Variants in RUNX1 observed in about 807,000 individuals in gnomAD.
The protein encoded by RUNX1 is RUNX family transcription factor 1.
Under a neutral mutation model 42.8 loss-of-function variants are expected in RUNX1, and 19 were observed. The ratio of observed to expected loss-of-function variants is 0.44; its 90% CI spans 0.31 to 0.65. The LOEUF is 0.65. Ranked by LOEUF, RUNX1 falls within the 30% of genes least tolerant of loss-of-function variation. The pLI is 0.07. For synonymous variants in RUNX1, 271 were observed against 289.4 expected, an observed-to-expected ratio of 0.94 and a Z score of 0.64; for missense variants, 528 against 672.0, an observed-to-expected ratio of 0.79 and a Z score of 2.37.
intron 2 of RUNX1, among the ~76,000 whole-genome samples, chr21:35,040,393 T>C (rs1404277997): frequency 6.6e-6 from 1 of 152,132 alleles, no homozygotes; most frequent in Non-Finnish European, 1.5e-5. Flanking sequence ...GCTATACATA[T>C]TATAAAATTT....
At chr21:35,016,252 T>G in intron 2 of RUNX1, among the ~76,000 whole-genome samples, 1 of 152,222 alleles carries the variant, frequency 6.6e-6, no homozygotes, top group East Asian at 1.9e-4. Context: ...TCTGCTTCCC[T>G]TGCGCGTGGG....
intron 8 of RUNX1, among the ~76,000 whole-genome samples, chr21:34,793,785 C>A (rs953993764): frequency 4.6e-5 from 7 of 151,046 alleles, no homozygotes; most frequent in Admixed American, 1.3e-4. Flanking sequence ...CTCACTGCAC[C>A]CACCACCTCC....
At chr21:34,984,464 G>C (rs980482899) in intron 2 of RUNX1, among the ~76,000 whole-genome samples, 1 of 152,144 alleles carries the variant, frequency 6.6e-6, no homozygotes, top group African/African-American at 2.4e-5. Context: ...ACTTATCTGT[G>C]GGGGAGGCCA....
chr21:34,893,770 GTTT>G (rs67786578), intron 2 of RUNX1, among the ~76,000 whole-genome samples: 7,159 of 137,620 alleles, frequency 0.052, 200 homozygotes, highest in Middle Eastern at 0.1. Flanking sequence ...TTAGTATGCT[GTTT>G]TTTTTTTTTT....
chr21:34,881,231 A>G (rs139725244), intron 4 of RUNX1, among the ~76,000 whole-genome samples: 30 of 152,326 alleles, frequency 2.0e-4, no homozygotes, highest in African/African-American at 5.5e-4. Context: ...TCAGACCTCC[A>G]CTAACAGGCT....
intron 2 of RUNX1, among the ~76,000 whole-genome samples, chr21:34,985,102 A>T (rs930377652): frequency 4.6e-5 from 7 of 152,242 alleles, no homozygotes; most frequent in African/African-American, 1.7e-4. Flanking sequence ...GAAGACTTAG[A>T]ACAAGAGCAG....
At chr21:34,852,055 C>A (rs2057427608) in intron 6 of RUNX1, among the ~76,000 whole-genome samples, 1 of 152,156 alleles carries the variant, frequency 6.6e-6, no homozygotes, top group Non-Finnish European at 1.5e-5. Context: ...GTAGTCCCAG[C>A]TACTCGGGAG....
At chr21:34,970,865 C>G (rs1421797117) in intron 2 of RUNX1, among the ~76,000 whole-genome samples, 1 of 151,820 alleles carries the variant, frequency 6.6e-6, no homozygotes, top group Non-Finnish European at 1.5e-5. Flanking sequence ...CTTTCCTGTA[C>G]GTTCAAATTA....
At chr21:34,895,709 A>G in intron 2 of RUNX1, among the ~76,000 whole-genome samples, 1 of 152,014 alleles carries the variant, frequency 6.6e-6, no homozygotes, top group East Asian at 1.9e-4. Context: ...GTTTGAGACC[A>G]GGTTGGGGAG....
At chr21:34,997,955 C>G (rs1483839214) in intron 2 of RUNX1, among the ~76,000 whole-genome samples, 1 of 152,170 alleles carries the variant, frequency 6.6e-6, no homozygotes, top group Non-Finnish European at 1.5e-5. Context: ...CAGGACTGGG[C>G]TCTCACTTGG....
intron 6 of RUNX1, among the ~76,000 whole-genome samples, chr21:34,849,296 AAATATAT>A (rs1474713630): frequency 1.5e-4 from 6 of 39,928 alleles, no homozygotes; most frequent in African/African-American, 5.4e-4. Context: ...ATTATATATA[AAATATAT>A]AATATATATT....
chr21:34,993,546 G>T, intron 2 of RUNX1, among the ~76,000 whole-genome samples: 1 of 102,842 alleles, frequency 9.7e-6, no homozygotes, highest in East Asian at 3.0e-4. Context: ...GGCACACACA[G>T]ACACACACAC....
chr21:34,982,241 AGAG>A (rs778776045), intron 2 of RUNX1, among the ~76,000 whole-genome samples: 24 of 152,328 alleles, frequency 1.6e-4, no homozygotes, highest in Admixed American at 1.2e-3. Flanking sequence ...TACAAGGTGT[AGAG>A]AATTCTTCTA....
chr21:34,871,348 G>A (rs2057734541), intron 5 of RUNX1, among the ~76,000 whole-genome samples: 1 of 151,258 alleles, frequency 6.6e-6, no homozygotes, highest in African/African-American at 2.5e-5. Context: ...AGTGATCTCT[G>A]TCGAATCTAG....
intron 2 of RUNX1, among the ~76,000 whole-genome samples, chr21:34,982,330 T>C (rs887519047): frequency 6.6e-6 from 1 of 151,876 alleles, no homozygotes; most frequent in African/African-American, 2.4e-5. Context: ...AAGATTGTTG[T>C]TGATGAAGGG....
At chr21:34,889,867 G>T in intron 3 of RUNX1, 1 of 1,080,144 alleles carries the variant, frequency 9.3e-7, no homozygotes, top group Non-Finnish European at 1.1e-6. Context: ...TCCCTGCCGG[G>T]CCCTGCACCT....
intron 2 of RUNX1, among the ~76,000 whole-genome samples, chr21:34,953,926 A>G (rs1316797034): frequency 1.3e-5 from 2 of 152,254 alleles, no homozygotes; most frequent in African/African-American, 4.8e-5. Context: ...TCAGTAAGCA[A>G]AAGAAAGCCT....
chr21:34,893,597 C>T (rs1196357065), intron 2 of RUNX1, among the ~76,000 whole-genome samples: 3 of 151,944 alleles, frequency 2.0e-5, no homozygotes, highest in Non-Finnish European at 4.4e-5. Context: ...TTTTTCTTTC[C>T]TTTGAATATC....
At chr21:34,795,433 T>C (rs929644124) in intron 8 of RUNX1, among the ~76,000 whole-genome samples, 3 of 152,182 alleles carry the variant, frequency 2.0e-5, no homozygotes, top group Non-Finnish European at 4.4e-5. Flanking sequence ...AACTCCTCTG[T>C]ACCTTTGGGG....
Sources: allele counts gnomAD v4.1 joint callset (sites outside exome capture counted in the v4.1 genomes callset), GRCh38; gene constraint gnomAD v4.1.1; transcripts MANE v1.5; gene names NCBI Gene and HGNC (gene_info 2026-07-23, HGNC 2026-07-21).